The following AKAP6 variants were observed in gnomAD, a reference collection of about 807,000 sequenced individuals.
AKAP6 encodes the protein A-kinase anchor protein 6.
In AKAP6, 58 loss-of-function variants were observed where a neutral mutation model predicts 188.5. The ratio of observed to expected loss-of-function variants is 0.31; its 90% CI spans 0.25 to 0.38. AKAP6 has a LOEUF of 0.38. Ranked by LOEUF, AKAP6 falls within the 10% of genes least tolerant of loss-of-function variation. The pLI is 1.00. For missense variants in AKAP6, 2,710 were observed against 2,740.0 expected (o/e 0.99, Z 0.24); for synonymous variants, 989 against 998.6 (o/e 0.99, Z 0.18).
intron 2 of AKAP6, among the ~76,000 whole-genome samples, chr14:32,454,457 C>T (rs1400815803): frequency 1.3e-5 from 2 of 152,156 alleles, no homozygotes; most frequent in African/African-American, 4.8e-5. Context: ...TCTCATGTGG[C>T]CATGCCTGAC....
At chr14:32,738,318 A>G (rs1286547210) in intron 11 of AKAP6, among the ~76,000 whole-genome samples, 2 of 152,122 alleles carry the variant, frequency 1.3e-5, no homozygotes, top group Non-Finnish European at 2.9e-5. Context: ...AAAGACTCCA[A>G]ATGGGAAGAT....
intron 2 of AKAP6, among the ~76,000 whole-genome samples, chr14:32,448,512 G>A (rs1437064869): frequency 6.6e-6 from 1 of 152,096 alleles, no homozygotes; most frequent in African/African-American, 2.4e-5. Context: ...TGGGACCTGA[G>A]GTACAAAGAG....
chr14:32,454,777 TTCCCTCCC>T (rs1566512477), intron 2 of AKAP6, among the ~76,000 whole-genome samples: 1 of 6,032 alleles, frequency 1.7e-4, no homozygotes, highest in African/African-American at 7.8e-4. Flanking sequence ...CCTTCCCTCC[TTCCCTCCC>T]TCCCTCCTTC....
chr14:32,742,512 A>G (rs996202713), intron 11 of AKAP6, among the ~76,000 whole-genome samples: 2 of 152,030 alleles, frequency 1.3e-5, no homozygotes, highest in Non-Finnish European at 1.5e-5. Context: ...TATAACTACA[A>G]AATTCCCTCT....
chr14:32,750,744 T>TTC (rs1434307710), intron 11 of AKAP6, among the ~76,000 whole-genome samples: 1 of 140,406 alleles, frequency 7.1e-6, no homozygotes, highest in Non-Finnish European at 1.5e-5. Flanking sequence ...TTTGTTTTTT[T>TTC]TTTTTTGTTT....
At chr14:32,666,230 T>G (rs1385932849) in intron 7 of AKAP6, among the ~76,000 whole-genome samples, 1 of 152,142 alleles carries the variant, frequency 6.6e-6, no homozygotes, top group Non-Finnish European at 1.5e-5. Context: ...CTGATTTTTC[T>G]GTCTTTTCTT....
At chr14:32,361,057 C>CT (rs1423374090) in intron 1 of AKAP6, among the ~76,000 whole-genome samples, 1 of 126,534 alleles carries the variant, frequency 7.9e-6, no homozygotes, top group Admixed American at 7.8e-5. Flanking sequence ...CCTGAACATA[C>CT]ATATATATAT....
At chr14:32,509,932 G>C (rs1411104887) in intron 2 of AKAP6, among the ~76,000 whole-genome samples, 1 of 152,096 alleles carries the variant, frequency 6.6e-6, no homozygotes, top group Non-Finnish European at 1.5e-5. Context: ...GCCTCTCCCG[G>C]AAATCTCTGT....
intron 9 of AKAP6, among the ~76,000 whole-genome samples, chr14:32,713,708 A>G (rs1465888766): frequency 1.3e-5 from 2 of 152,056 alleles, no homozygotes; most frequent in Non-Finnish European, 2.9e-5. Context: ...TAGCCTTCAT[A>G]GAATTAAAAT....
In AKAP6 at chr14:32,583,302, C is replaced by T. The variant is rs1422619537; in HGVS notation, c.2469+6060C>T. ...ATCAGCAGCGGTGGCTGCAGAACAG[C>T]GGATTTTCGTGAACCGCGAATGCTG... On this transcript the variant is annotated intron_variant, in intron 5 of 13. Coordinates refer to ENST00000280979, the MANE Select transcript of AKAP6 (RefSeq NM_004274.5). 5.3e-5 allele frequency among the ~76,000 whole-genome samples: 8 copies of T among 152,176 alleles called. No individual in the cohort carries two copies. In the South Asian group the frequency reaches 1.2e-3, roughly 24 times the overall value.
At chr14:32,516,529 C>T (rs1418114161) in intron 2 of AKAP6, among the ~76,000 whole-genome samples, 2 of 152,152 alleles carry the variant, frequency 1.3e-5, no homozygotes, top group Non-Finnish European at 2.9e-5. Context: ...TAGTCTTTCG[C>T]TTCAGTACCA....
At chr14:32,753,493 G>A (rs575723875) in intron 11 of AKAP6, among the ~76,000 whole-genome samples, 2 of 152,078 alleles carry the variant, frequency 1.3e-5, no homozygotes, top group Non-Finnish European at 2.9e-5. Context: ...TCTGTTGATT[G>A]TTTCCTTTCT....
chr14:32,352,183 C>T (rs1887309180), intron 1 of AKAP6, among the ~76,000 whole-genome samples: 1 of 151,372 alleles, frequency 6.6e-6, no homozygotes, highest in Non-Finnish European at 1.5e-5. Context: ...CCAGTTCTCT[C>T]TCATTCCTAG....
intron 10 of AKAP6, among the ~76,000 whole-genome samples, chr14:32,734,899 G>A (rs1317617127): frequency 6.6e-6 from 1 of 151,978 alleles, no homozygotes; most frequent in African/African-American, 2.4e-5. Flanking sequence ...TATTGATTGG[G>A]ACTGCTTTCC....
intron 2 of AKAP6, among the ~76,000 whole-genome samples, chr14:32,504,477 G>A (rs920894946): frequency 3.8e-4 from 58 of 151,982 alleles, no homozygotes; most frequent in African/African-American, 1.3e-3. Context: ...GACAGGTTTC[G>A]CCATATTGGC....
chr14:32,722,914 C>T (rs1161345232), intron 9 of AKAP6, among the ~76,000 whole-genome samples: 1 of 152,186 alleles, frequency 6.6e-6, no homozygotes, highest in Non-Finnish European at 1.5e-5. Flanking sequence ...TAACACCATC[C>T]ATGGATGGCA....
chr14:32,829,654 C>T (rs569863442), intron 13 of AKAP6, among the ~76,000 whole-genome samples, 194 bp from the exon 14 acceptor site: 29 of 151,462 alleles, frequency 1.9e-4, no homozygotes, highest in Non-Finnish European at 2.9e-4. Context: ...TTCACATCTA[C>T]GCTGAGACTT....
chr14:32,339,510 A>G (rs1387262583), intron 1 of AKAP6, among the ~76,000 whole-genome samples: 2 of 152,144 alleles, frequency 1.3e-5, no homozygotes, highest in Non-Finnish European at 2.9e-5. Flanking sequence ...TTCACAGGTC[A>G]TTTGAAAGAT....
At chr14:32,551,295 G>A (rs1883448851) in intron 4 of AKAP6, among the ~76,000 whole-genome samples, 1 of 152,088 alleles carries the variant, frequency 6.6e-6, no homozygotes, top group Admixed American at 6.5e-5. Flanking sequence ...AACCCAGCTG[G>A]GCGCCGTGGC....
Sources: gnomAD v4.1 joint callset for allele counts (sites outside exome capture counted in the v4.1 genomes callset) on GRCh38, gnomAD v4.1.1 for gene constraint, MANE v1.5 for transcripts, NCBI Gene and HGNC (gene_info 2026-07-23, HGNC 2026-07-21) for gene names.